Variants in THRB observed in about 807,000 individuals in gnomAD.
The protein encoded by THRB is nuclear receptor subfamily 1 group A member 2.
A neutral mutation model predicts 47.8 loss-of-function variants in THRB; 12 were observed. The observed-to-expected ratio is 0.25, with a 90% CI of 0.16 to 0.41. The LOEUF (loss-of-function observed/expected upper bound fraction) is 0.41, where lower values mean the gene tolerates loss of function less well. Among genes scored for constraint, THRB ranks in the 10% least tolerant of loss-of-function variants. The pLI is 1.00. For missense variants in THRB, 348 were observed against 589.2 expected (o/e 0.59, Z 4.24); for synonymous variants, 218 against 212.2 (o/e 1.03, Z -0.24).
At chr3:24,205,258 G>T (rs1463434927) in intron 4 of THRB, among the ~76,000 whole-genome samples, 1 of 152,166 alleles carries the variant, frequency 6.6e-6, no homozygotes, top group Non-Finnish European at 1.5e-5. Context: ...AGAGAGAAAG[G>T]TCAGGTTACC....
In THRB at chr3:24,281,614, G is replaced by T. The variant is rs1393634825; in HGVS notation, c.-43+15612C>A. Reference sequence around the variant, plus strand: ...AACTTTAAATGTAAATGGACTAAATGCTCCAATTAAAAGACACAGACTGGC... The same window carrying T: ...AACTTTAAATGTAAATGGACTAAATTCTCCAATTAAAAGACACAGACTGGC... On this transcript the variant is annotated intron_variant, in intron 3 of 10. Transcript: ENST00000646209. 3.9e-5 allele frequency among the ~76,000 whole-genome samples: 4 copies of T among 101,728 alleles called. 1 individual carries two copies. Among genetic ancestry groups the T allele is most frequent in the African/African-American group, 9.8e-5 (3 of 30,622 alleles). The allele number at this position is 101,728 out of a possible 152,430, so 66.7% of individuals were successfully genotyped here. A position where few individuals can be genotyped will look rare whatever the true frequency, so the allele number is the denominator to read the frequency against.
At chr3:24,232,095 G>A (rs2048316501) in intron 3 of THRB, among the ~76,000 whole-genome samples, 1 of 152,196 alleles carries the variant, frequency 6.6e-6, no homozygotes, top group African/African-American at 2.4e-5. Flanking sequence ...GAGGGTCTGT[G>A]TACCACGGCC....
At chr3:24,153,701 C>G (rs1405672158) in intron 5 of THRB, among the ~76,000 whole-genome samples, 1 of 152,156 alleles carries the variant, frequency 6.6e-6, no homozygotes. Context: ...TCCCCTCTAT[C>G]AATGGTTTAC....
intron 4 of THRB, among the ~76,000 whole-genome samples, chr3:24,213,580 C>T (rs1393775958): frequency 2.0e-5 from 3 of 152,074 alleles, no homozygotes; most frequent in Admixed American, 6.5e-5. Flanking sequence ...GGAAAGGAGA[C>T]GACAATACAA....
intron 3 of THRB, among the ~76,000 whole-genome samples, chr3:24,261,497 C>CA (rs35109952): frequency 0.01 from 901 of 88,142 alleles, 14 homozygotes; most frequent in South Asian, 0.028. Context: ...GATTCTGTCT[C>CA]AAAAAAAAAA....
At chr3:24,202,391 A>T (rs1303686042) in intron 4 of THRB, among the ~76,000 whole-genome samples, 2 of 151,872 alleles carry the variant, frequency 1.3e-5, no homozygotes, top group Non-Finnish European at 2.9e-5. Flanking sequence ...TGTAATTAAG[A>T]CTCCTTTTTT....
At chr3:24,466,474 C>A (rs1160424024) in intron 1 of THRB, among the ~76,000 whole-genome samples, 1 of 152,040 alleles carries the variant, frequency 6.6e-6, no homozygotes, top group Non-Finnish European at 1.5e-5. Context: ...GGTAGGGTTC[C>A]GGAAACCCAG....
At chr3:24,236,303 C>T (rs2048871832) in intron 3 of THRB, among the ~76,000 whole-genome samples, 1 of 152,186 alleles carries the variant, frequency 6.6e-6, no homozygotes, top group Non-Finnish European at 1.5e-5. Flanking sequence ...GGATCATGGA[C>T]AAGTTCCTTT....
intron 1 of THRB, chr3:24,486,479 T>C (rs1697320899): frequency 6.6e-6 from 1 of 152,250 alleles, no homozygotes; most frequent in Admixed American, 6.5e-5. Flanking sequence ...TTACTTATTA[T>C]AAGGCTTGAT....
intron 4 of THRB, among the ~76,000 whole-genome samples, chr3:24,202,325 T>C (rs888825265): frequency 6.6e-6 from 1 of 152,216 alleles, no homozygotes; most frequent in Admixed American, 6.5e-5. Context: ...TCAATCTCAA[T>C]GCTGTTTCAA....
chr3:24,175,966 G>A (rs958823091), intron 5 of THRB, among the ~76,000 whole-genome samples: 1 of 152,068 alleles, frequency 6.6e-6, no homozygotes, highest in African/African-American at 2.4e-5. Flanking sequence ...CCACTTCCAC[G>A]CTATGCTTTT....
intron 3 of THRB, among the ~76,000 whole-genome samples, chr3:24,269,877 C>T (rs1397136176): frequency 6.6e-6 from 1 of 152,138 alleles, no homozygotes; most frequent in South Asian, 2.1e-4. Context: ...TTGACATGTA[C>T]CTTTATAATT....
chr3:24,390,479 T>C (rs2066477588), intron 1 of THRB, among the ~76,000 whole-genome samples: 1 of 152,166 alleles, frequency 6.6e-6, no homozygotes, highest in Non-Finnish European at 1.5e-5. Flanking sequence ...GCATGTGCCA[T>C]CATTCCCATT....
chr3:24,274,459 C>T (rs1021101975), intron 3 of THRB, among the ~76,000 whole-genome samples: 1 of 151,972 alleles, frequency 6.6e-6, no homozygotes, highest in Non-Finnish European at 1.5e-5. Context: ...CACAGTATTA[C>T]CAAATATTAA....
chr3:24,424,731 CA>C, intron 1 of THRB, among the ~76,000 whole-genome samples: 1 of 151,932 alleles, frequency 6.6e-6, no homozygotes, highest in Non-Finnish European at 1.5e-5. Context: ...AGCCTAGTAG[CA>C]AAACTTCAAA....
At chr3:24,475,891 A>C (rs941548158) in intron 1 of THRB, among the ~76,000 whole-genome samples, 1 of 152,250 alleles carries the variant, frequency 6.6e-6, no homozygotes, top group African/African-American at 2.4e-5. Context: ...AATCATGTTT[A>C]ATATAATACT....
At chr3:24,311,939 C>G (rs12636090) in intron 2 of THRB, among the ~76,000 whole-genome samples, 39,263 of 152,074 alleles carry the variant, frequency 0.26, 5,746 homozygotes, top group East Asian at 0.42. Flanking sequence ...GCACAGGCCA[C>G]CAATTACTTC....
chr3:24,293,690 A>C (rs1233935687), intron 3 of THRB, among the ~76,000 whole-genome samples: 1 of 152,188 alleles, frequency 6.6e-6, no homozygotes, highest in Non-Finnish European at 1.5e-5. Flanking sequence ...ATAGGGTATA[A>C]TTTCCTGAGC....
intron 3 of THRB, among the ~76,000 whole-genome samples, chr3:24,285,955 T>C (rs1246120386): frequency 6.6e-6 from 1 of 152,094 alleles, no homozygotes; most frequent in Non-Finnish European, 1.5e-5. Flanking sequence ...TGGGCGGTAG[T>C]TGGGTTAGAT....
Sources: allele counts gnomAD v4.1 joint callset (sites outside exome capture counted in the v4.1 genomes callset), GRCh38; gene constraint gnomAD v4.1.1; transcripts MANE v1.5; gene names NCBI Gene and HGNC (gene_info 2026-07-23, HGNC 2026-07-21).